Variants in IL1RAPL1 observed in about 807,000 individuals in gnomAD.
IL1RAPL1 encodes the protein interleukin-1 receptor accessory protein-like 1.
In IL1RAPL1, 3 loss-of-function variants were observed where a neutral mutation model predicts 48.4. The ratio of observed to expected loss-of-function variants is 0.06; its 90% CI spans 0.03 to 0.16. The LOEUF (loss-of-function observed/expected upper bound fraction) is 0.16, where lower values mean the gene tolerates loss of function less well. IL1RAPL1 is among the 10% of genes least tolerant of loss of function. IL1RAPL1 has a pLI of 1.00. For missense variants in IL1RAPL1, 349 were observed against 530.6 expected (o/e 0.66, Z 3.36); for synonymous variants, 185 against 187.7 (o/e 0.99, Z 0.12).
At chrX:29,279,476 C>G (rs372261877) in intron 2 of IL1RAPL1, among the ~76,000 whole-genome samples, 1 of 111,214 alleles carries the variant, frequency 9.0e-6, no homozygotes, top group South Asian at 3.8e-4. Context: ...TTTGAATATG[C>G]CTTGAACTGT....
At chrX:29,282,612 G>T (rs1160025343) in intron 2 of IL1RAPL1, among the ~76,000 whole-genome samples, 3 of 111,991 alleles carry the variant, frequency 2.7e-5, no homozygotes, top group Non-Finnish European at 5.6e-5. Flanking sequence ...ATATCTCAAA[G>T]GCCCAGATCT....
chrX:28,669,058 A>AT (rs1174481931), intron 1 of IL1RAPL1, among the ~76,000 whole-genome samples: 1 of 111,645 alleles, frequency 9.0e-6, no homozygotes, highest in Admixed American at 9.5e-5. Flanking sequence ...TGTTGAACTT[A>AT]TAAAAATTGC....
intron 2 of IL1RAPL1, among the ~76,000 whole-genome samples, chrX:29,059,485 A>T (rs1368850567): frequency 8.9e-6 from 1 of 112,049 alleles, no homozygotes; most frequent in African/African-American, 3.2e-5. Context: ...GCTTAATGTG[A>T]AAAGATAAAA....
chrX:29,695,595 G>GGTGA (rs1221831009), intron 6 of IL1RAPL1, among the ~76,000 whole-genome samples: 1 of 68,532 alleles, frequency 1.5e-5, no homozygotes, highest in South Asian at 8.2e-4. Context: ...CTTGCAAGGT[G>GGTGA]GCGAGAGAGA....
At chrX:29,611,236 A>G (rs1469329459) in intron 5 of IL1RAPL1, among the ~76,000 whole-genome samples, 1 of 110,737 alleles carries the variant, frequency 9.0e-6, no homozygotes, top group African/African-American at 3.3e-5. Flanking sequence ...ACATTTTACA[A>G]CCTGCTCTCT....
intron 5 of IL1RAPL1, among the ~76,000 whole-genome samples, chrX:29,597,370 C>T (rs1409821483): frequency 9.0e-6 from 1 of 110,645 alleles, no homozygotes; most frequent in Non-Finnish European, 1.9e-5. Flanking sequence ...TCAGGGTGGT[C>T]TCAAACTCCC....
At chrX:29,402,082 C>A (rs1019359633) in intron 5 of IL1RAPL1, among the ~76,000 whole-genome samples, 1 of 110,707 alleles carries the variant, frequency 9.0e-6, no homozygotes, top group Admixed American at 9.7e-5. Flanking sequence ...TTAGTAGAGA[C>A]CGGGTTTAAC....
At chrX:29,185,722 A>G (rs1930237639) in intron 2 of IL1RAPL1, among the ~76,000 whole-genome samples, 1 of 111,866 alleles carries the variant, frequency 8.9e-6, no homozygotes, top group South Asian at 3.7e-4. Context: ...GATATGATAA[A>G]TCTACAACTA....
Position 29,454,790 on chromosome X carries a change from C to T in IL1RAPL1, c.703+55482C>T, listed in dbSNP as rs148053332. On this transcript the variant is annotated intron_variant, in intron 5 of 10. Transcript: ENST00000378993. ...CAAAGAGGTGAGAATACATGAAGCTCGCCTGTCTTCCGTTTGATTTTTTTT... is the reference window on the plus strand; with the variant it reads ...CAAAGAGGTGAGAATACATGAAGCTTGCCTGTCTTCCGTTTGATTTTTTTT... 1.2e-3 allele frequency among the ~76,000 whole-genome samples: 132 copies of T among 109,227 alleles called. 1 individual carries two copies. The highest frequency in any genetic ancestry group is 4.1e-3 in the African/African-American group (124 of 29,964). 94.9% of individuals were successfully genotyped at this position (109,227 alleles called of 115,157 possible). A position where few individuals can be genotyped will look rare whatever the true frequency, so the allele number is the denominator to read the frequency against.
chrX:29,333,776 T>C (rs1602177506), intron 3 of IL1RAPL1, among the ~76,000 whole-genome samples: 1 of 42,457 alleles, frequency 2.4e-5, no homozygotes, highest in Non-Finnish European at 4.4e-5. Flanking sequence ...CCCACCTCCC[T>C]CCCGGACAGG....
intron 3 of IL1RAPL1, among the ~76,000 whole-genome samples, chrX:29,354,654 C>T (rs1399820998): frequency 8.9e-6 from 1 of 112,014 alleles, no homozygotes; most frequent in Admixed American, 9.5e-5. Flanking sequence ...AGATCAAAAT[C>T]CAAAGTTCAG....
intron 2 of IL1RAPL1, among the ~76,000 whole-genome samples, chrX:28,849,321 A>G (rs984505226): frequency 4.5e-5 from 5 of 111,279 alleles, no homozygotes; most frequent in African/African-American, 1.6e-4. Flanking sequence ...CATGCACTTC[A>G]CTGTAGTTTT....
intron 1 of IL1RAPL1, among the ~76,000 whole-genome samples, chrX:28,647,761 C>G (rs1413268408): frequency 9.0e-6 from 1 of 111,545 alleles, no homozygotes; most frequent in East Asian, 2.8e-4. Context: ...GTCACTGAGT[C>G]AGTTCATAGT....
intron 2 of IL1RAPL1, among the ~76,000 whole-genome samples, chrX:29,202,777 G>A (rs1037043894): frequency 8.9e-6 from 1 of 111,865 alleles, no homozygotes; most frequent in African/African-American, 3.3e-5. Context: ...CAAATACTAT[G>A]TGTTCTGACC....
intron 2 of IL1RAPL1, among the ~76,000 whole-genome samples, chrX:28,889,509 T>C (rs1202384292): frequency 8.9e-6 from 1 of 111,884 alleles, no homozygotes; most frequent in Non-Finnish European, 1.9e-5. Flanking sequence ...TGAATTCGAA[T>C]GGCTGGGCTA....
chrX:29,559,020 T>C (rs967281675), intron 5 of IL1RAPL1, among the ~76,000 whole-genome samples: 2 of 112,274 alleles, frequency 1.8e-5, no homozygotes, highest in African/African-American at 6.5e-5. Flanking sequence ...AAGTCCTTTG[T>C]AGTTACATAT....
intron 3 of IL1RAPL1, among the ~76,000 whole-genome samples, chrX:29,350,274 T>C (rs767988309): frequency 1.2e-5 from 1 of 83,057 alleles, no homozygotes; most frequent in Non-Finnish European, 2.2e-5. Context: ...ACCTGGCTCA[T>C]AGACACACTG....
intron 5 of IL1RAPL1, among the ~76,000 whole-genome samples, chrX:29,464,050 A>C (rs767501772): frequency 1.8e-5 from 2 of 112,315 alleles, no homozygotes; most frequent in South Asian, 7.3e-4. Flanking sequence ...AGAACTCCTC[A>C]GCCAATTCCT....
intron 5 of IL1RAPL1, among the ~76,000 whole-genome samples, chrX:29,637,281 C>CATATATAT (rs58166479): frequency 0.011 from 1,104 of 98,869 alleles, 13 homozygotes; most frequent in African/African-American, 0.037. Context: ...ATATATATAA[C>CATATATAT]ATATATATAT....
Sources: gnomAD v4.1 joint callset for allele counts (sites outside exome capture counted in the v4.1 genomes callset) on GRCh38, gnomAD v4.1.1 for gene constraint, MANE v1.5 for transcripts, NCBI Gene and HGNC (gene_info 2026-07-23, HGNC 2026-07-21) for gene names.